Variants in PLCE1 observed in about 807,000 individuals in gnomAD.
PLCE1 encodes 1-phosphatidylinositol 4,5-bisphosphate phosphodiesterase epsilon-1.
Under a neutral mutation model 242.8 loss-of-function variants are expected in PLCE1, and 119 were observed. That is an observed-to-expected ratio of 0.49 (90% CI 0.42 to 0.57). The LOEUF (loss-of-function observed/expected upper bound fraction) is 0.57. PLCE1 is among the 20% of genes least tolerant of loss of function. The pLI is 0.00. For missense variants in PLCE1, 2,441 were observed against 2,788.8 expected (o/e 0.88, Z 2.81); for synonymous variants, 945 against 1,017.4 (o/e 0.93, Z 1.35).
chr10:94,249,645 G>A (rs75878676), intron 8 of PLCE1, among the ~76,000 whole-genome samples: 9,645 of 152,182 alleles, frequency 0.063, 535 homozygotes, highest in African/African-American at 0.15. Context: ...GAGTACTACT[G>A]ATGGAAGTAG....
chr10:94,095,899 G>A (rs938126638), intron 2 of PLCE1, among the ~76,000 whole-genome samples: 6 of 152,160 alleles, frequency 3.9e-5, no homozygotes, highest in African/African-American at 1.4e-4. Context: ...AGGCCAGTGG[G>A]CCTTTTTGTG....
rs755385180 is a variant in PLCE1, at chr10:94,262,754, G to A, written c.4053+22G>A. On this transcript the variant is annotated intron_variant, in intron 14 of 32. Coordinates refer to ENST00000371380, the MANE Select transcript of PLCE1 (RefSeq NM_016341.4). ...CCAGGTTTGTGCCTGTTTTGTGTGT[G>A]CATGTGTGTGTGATGCCTCTGGCTA... 2.1e-6 allele frequency: 3 copies of A among 1,450,644 alleles called. No homozygotes were observed. In the South Asian group the frequency reaches 3.4e-5, roughly 16 times the overall value. The allele number at this position is 1,450,644 out of a possible 1,614,324, so 89.9% of individuals were successfully genotyped here.
chr10:94,075,409 A>G (rs1189353744), intron 2 of PLCE1, among the ~76,000 whole-genome samples: 1 of 152,156 alleles, frequency 6.6e-6, no homozygotes, highest in East Asian at 2.0e-4. Flanking sequence ...GTTAATGTCC[A>G]TGTTGGTTTA....
chr10:94,237,298 CTGTG>C (rs947179822), intron 7 of PLCE1, among the ~76,000 whole-genome samples: 1 of 152,292 alleles, frequency 6.6e-6, no homozygotes, highest in African/African-American at 2.4e-5. Context: ...TCATCTGGGG[CTGTG>C]TGTGTATGTC....
intron 3 of PLCE1, among the ~76,000 whole-genome samples, chr10:94,163,721 C>T (rs1041918434): frequency 3.9e-5 from 6 of 152,110 alleles, no homozygotes; most frequent in African/African-American, 7.2e-5. Context: ...GGTTATTTTG[C>T]TCGTTACTTG....
Position 94,216,249 on chromosome 10 carries a change from C to T in PLCE1, c.1810-11057C>T, listed in dbSNP as rs527955378. Among the ~76,000 whole-genome samples, 7 of 152,310 alleles carry T rather than the reference C, an allele frequency of 4.6e-5. No individual in the cohort carries two copies. In the South Asian group the frequency reaches 1.2e-3, roughly 27 times the overall value. Reference sequence around the variant, plus strand: ...CAAACCCAGCCAATGATAGAGTCAGCACTGCCCAGTTGAGATCTCCTCGGT... The same window carrying T: ...CAAACCCAGCCAATGATAGAGTCAGTACTGCCCAGTTGAGATCTCCTCGGT... On this transcript the variant is annotated intron_variant, in intron 4 of 32. Transcript: ENST00000371380.
chr10:94,237,490 T>TTTTA (rs1001525050), intron 7 of PLCE1, among the ~76,000 whole-genome samples: 3 of 152,196 alleles, frequency 2.0e-5, no homozygotes, highest in African/African-American at 7.2e-5. Flanking sequence ...TTCCTAATCA[T>TTTTA]TTTATCACGT....
intron 4 of PLCE1, among the ~76,000 whole-genome samples, chr10:94,184,439 C>G (rs568890664): frequency 6.6e-6 from 1 of 152,330 alleles, no homozygotes; most frequent in Admixed American, 6.5e-5. Context: ...AAGTGATTGT[C>G]CTGCCTCAGC....
intron 30 of PLCE1, 86 bp downstream of exon 30, chr10:94,322,145 T>A: frequency 1.6e-6 from 2 of 1,277,444 alleles, no homozygotes; most frequent in Admixed American, 3.5e-5. Context: ...GCTCATTTTA[T>A]GAGTGAAGTT....
chr10:94,029,138 A>G (rs79872093), intron 1 of PLCE1, among the ~76,000 whole-genome samples: 113 of 152,302 alleles, frequency 7.4e-4, no homozygotes, highest in African/African-American at 2.6e-3. Context: ...AATAACAACA[A>G]TAATTACAAA....
intron 22 of PLCE1, among the ~76,000 whole-genome samples, chr10:94,288,113 A>G (rs1251277993): frequency 1.3e-5 from 2 of 152,050 alleles, no homozygotes; most frequent in South Asian, 2.1e-4. Context: ...TAGTGGTACA[A>G]GTAGTTTTTG....
chr10:94,199,252 A>G (rs2048918173), intron 4 of PLCE1, among the ~76,000 whole-genome samples: 1 of 152,214 alleles, frequency 6.6e-6, no homozygotes, highest in East Asian at 1.9e-4. Context: ...TCTTGGGTAG[A>G]TACTAAATTA....
intron 3 of PLCE1, among the ~76,000 whole-genome samples, chr10:94,144,136 C>G (rs1342741546): frequency 6.6e-6 from 1 of 152,194 alleles, no homozygotes; most frequent in Non-Finnish European, 1.5e-5. Flanking sequence ...TGATACACTA[C>G]CAAGTCTAGA....
At chr10:94,222,354 C>T (rs1385384546) in intron 4 of PLCE1, among the ~76,000 whole-genome samples, 2 of 152,186 alleles carry the variant, frequency 1.3e-5, no homozygotes, top group Non-Finnish European at 2.9e-5. Context: ...TTCATTCATT[C>T]ATTCATTCAT....
intron 2 of PLCE1, among the ~76,000 whole-genome samples, chr10:94,045,367 C>A (rs937959635): frequency 6.6e-6 from 1 of 152,216 alleles, no homozygotes; most frequent in African/African-American, 2.4e-5. Flanking sequence ...AGCTCCTGGC[C>A]TCAAGTGATC....
chr10:94,252,395 C>G lies in PLCE1; in HGVS notation c.3176C>G (p.Pro1059Arg), dbSNP rs780768832. Residue 1059 changes from proline to arginine, a missense_variant, in exon 9 of 33, where the codon CCC (proline) becomes CGC (arginine). Pro to Arg is a moderately radical substitution (Grantham distance 103). Transcript: ENST00000371380. ...GGCAGACGGTGGAGTGCTCGAAACC[C>G]CAGCCCCGGAACATCAGCAAAGAAT... ...FGGRRWSARN[P>R]SPGTSAKNAE... 3.1e-6 allele frequency: 5 copies of G among 1,613,918 alleles called. No individual in the cohort carries two copies. The highest frequency in any genetic ancestry group is 4.2e-6 in the Non-Finnish European group (5 of 1,179,980).
chr10:94,149,753 C>T (rs1040311709), intron 3 of PLCE1, among the ~76,000 whole-genome samples: 2 of 152,080 alleles, frequency 1.3e-5, no homozygotes, highest in Non-Finnish European at 2.9e-5. Flanking sequence ...TTCTCTTTGG[C>T]GCCCAGAGTC....
chr10:94,019,727 G>A (rs2061344280), intron 1 of PLCE1, among the ~76,000 whole-genome samples: 1 of 152,174 alleles, frequency 6.6e-6, no homozygotes, highest in African/African-American at 2.4e-5. Context: ...CGTGTGGCTA[G>A]TGCCCACAGT....
intron 2 of PLCE1, among the ~76,000 whole-genome samples, chr10:94,038,296 T>C (rs2061703761): frequency 6.6e-6 from 1 of 152,150 alleles, no homozygotes; most frequent in South Asian, 2.1e-4. Flanking sequence ...GACTAACTGG[T>C]GGCTCAGACA....
Sources: gnomAD v4.1 joint callset for allele counts (sites outside exome capture counted in the v4.1 genomes callset) on GRCh38, gnomAD v4.1.1 for gene constraint, MANE v1.5 for transcripts, NCBI Gene and HGNC (gene_info 2026-07-23, HGNC 2026-07-21) for gene names.